The following PRKCE variants were observed in gnomAD, a reference collection of about 807,000 sequenced individuals.
PRKCE encodes protein kinase C epsilon.
In PRKCE, 16 loss-of-function variants were observed where a neutral mutation model predicts 85.4. That is an observed-to-expected ratio of 0.19 (90% CI 0.13 to 0.28). The LOEUF is 0.28. Among genes scored for constraint, PRKCE ranks in the 10% least tolerant of loss-of-function variants. The probability of loss-of-function intolerance (pLI) is 1.00; values close to 1 mark genes in which losing one functional copy is unlikely to be tolerated. For synonymous variants in PRKCE, 388 were observed against 371.5 expected (o/e 1.04, Z -0.51); for missense variants, 573 against 975.2 (o/e 0.59, Z 5.49).
At chr2:46,000,700 C>A (rs568239823) in intron 6 of PRKCE, among the ~76,000 whole-genome samples, 9 of 152,120 alleles carry the variant, frequency 5.9e-5, no homozygotes, top group Non-Finnish European at 1.0e-4. Context: ...ACGACTGGGT[C>A]CCCCTTAGAG....
chr2:46,151,280 TACACACACACACACACACACACAC>T (rs35676949), intron 13 of PRKCE, 51 bp downstream of exon 13: 4 of 559,068 alleles, frequency 7.2e-6, no homozygotes, highest in Non-Finnish European at 1.2e-5. Context: ...CTCCTCCCCC[TACACACACACACACACACACACAC>T]ACACACACAC....
chr2:46,093,065 G>A (rs1481555940), intron 11 of PRKCE, among the ~76,000 whole-genome samples: 5 of 152,118 alleles, frequency 3.3e-5, no homozygotes, highest in East Asian at 1.9e-4. Flanking sequence ...CTTGGGGATC[G>A]TTTTCCCCAG....
chr2:46,108,851 A>C (rs1055402151), intron 11 of PRKCE, among the ~76,000 whole-genome samples: 1 of 151,430 alleles, frequency 6.6e-6, no homozygotes. Flanking sequence ...TAGATCTATG[A>C]TCTATTTTGA....
At chr2:45,945,309 G>A (rs2711296) in intron 2 of PRKCE, among the ~76,000 whole-genome samples, 32,968 of 152,020 alleles carry the variant, frequency 0.22, 4,658 homozygotes, top group East Asian at 0.69. Flanking sequence ...GGAAGCTTAC[G>A]ATCATGGCAG....
chr2:45,800,716 A>T (rs986493410), intron 1 of PRKCE, among the ~76,000 whole-genome samples: 1 of 152,228 alleles, frequency 6.6e-6, no homozygotes, highest in Non-Finnish European at 1.5e-5. Flanking sequence ...AGAACAAAAT[A>T]AAACTTCCGC....
intron 1 of PRKCE, among the ~76,000 whole-genome samples, chr2:45,661,392 A>T (rs1675633831): frequency 6.6e-6 from 1 of 152,078 alleles, no homozygotes; most frequent in Non-Finnish European, 1.5e-5. Flanking sequence ...CATGTTGGCC[A>T]GGGTGGTCTT....
chr2:45,901,690 T>C (rs1167060823), intron 2 of PRKCE, among the ~76,000 whole-genome samples: 2 of 152,256 alleles, frequency 1.3e-5, no homozygotes, highest in African/African-American at 4.8e-5. Context: ...TTTCCCATTA[T>C]GTATCTTAGA....
chr2:45,976,345 A>T (rs1702452998), intron 2 of PRKCE, 84 bp from the exon 3 acceptor site: 1 of 1,461,070 alleles, frequency 6.8e-7, no homozygotes, highest in South Asian at 1.2e-5. Context: ...TCCCCCAGGG[A>T]TGGAGTAGCT....
Position 45,652,114 on chromosome 2 carries a change from A to G in PRKCE, c.14A>G (p.Asn5Ser). 1.9e-6 allele frequency: 3 copies of G among 1,577,386 alleles called. No individual in the cohort carries two copies. The highest frequency in any genetic ancestry group is 2.6e-6 in the Non-Finnish European group (3 of 1,161,492). MVVF[N>S]GLLKIKICEA... ...CCCGCCCCGACCATGGTAGTGTTCA[A>G]TGGCCTTCTTAAGATCAAAATCTGC... is the stretch of plus-strand genomic sequence containing the variant. The change falls in exon 1 of 15, where the codon AAT becomes AGT. Residue 5 changes from asparagine (N) to serine (S), a missense_variant. By Grantham distance (46) the Asn-to-Ser change is conservative (BLOSUM62 1). Coordinates refer to ENST00000306156, the MANE Select transcript of PRKCE (RefSeq NM_005400.3). This position sits in a 1 kb window ranked among gnomAD's most constrained non-coding sequence, Gnocchi z 7.7.
intron 2 of PRKCE, among the ~76,000 whole-genome samples, chr2:45,911,242 G>A (rs1190682669): frequency 6.6e-6 from 1 of 152,164 alleles, no homozygotes; most frequent in Non-Finnish European, 1.5e-5. Context: ...TTTTTAAGTT[G>A]TTTTTTCCCA....
chr2:46,164,156 C>T (rs1383805347), intron 14 of PRKCE, among the ~76,000 whole-genome samples: 1 of 152,108 alleles, frequency 6.6e-6, no homozygotes. Context: ...GGTTTAGATC[C>T]CGACATTGGG....
intron 10 of PRKCE, among the ~76,000 whole-genome samples, chr2:46,054,696 C>T (rs1460055045): frequency 6.6e-6 from 1 of 152,176 alleles, no homozygotes; most frequent in East Asian, 1.9e-4. Context: ...CCAGCAAGGG[C>T]CCTACCCTCA....
intron 1 of PRKCE, among the ~76,000 whole-genome samples, chr2:45,834,462 G>T (rs888962241): frequency 5.3e-5 from 8 of 152,124 alleles, no homozygotes; most frequent in East Asian, 1.9e-4. Context: ...AAAGAATAAG[G>T]CCTCCTTTCC....
chr2:46,102,361 G>T (rs1266099356), intron 11 of PRKCE, among the ~76,000 whole-genome samples: 2 of 152,080 alleles, frequency 1.3e-5, no homozygotes, highest in South Asian at 2.1e-4. Context: ...ATAAATTTCA[G>T]ATGTCTTTAA....
At chr2:45,799,198 A>G (rs754849431) in intron 1 of PRKCE, among the ~76,000 whole-genome samples, 11 of 151,644 alleles carry the variant, frequency 7.3e-5, no homozygotes, top group Non-Finnish European at 1.5e-4. Flanking sequence ...GAGCATTTTC[A>G]TTCATTATTG....
chr2:45,721,182 A>T (rs952296485), intron 1 of PRKCE, among the ~76,000 whole-genome samples: 2 of 152,138 alleles, frequency 1.3e-5, no homozygotes, highest in African/African-American at 4.8e-5. Flanking sequence ...TTTCACAGGA[A>T]GTCTGCCTGG....
chr2:46,097,832 A>C (rs1208002273), intron 11 of PRKCE, among the ~76,000 whole-genome samples: 2 of 152,168 alleles, frequency 1.3e-5, no homozygotes, highest in Non-Finnish European at 2.9e-5. Flanking sequence ...CTTTATCCCA[A>C]ACTGATTCCA....
At chr2:45,989,240 C>T (rs896295861) in intron 6 of PRKCE, among the ~76,000 whole-genome samples, 6 of 152,216 alleles carry the variant, frequency 3.9e-5, no homozygotes, top group Admixed American at 3.9e-4. Context: ...GTGTACTCCA[C>T]GAAGACCTGG....
intron 2 of PRKCE, among the ~76,000 whole-genome samples, chr2:45,876,142 C>T (rs534683643): frequency 6.6e-6 from 1 of 152,196 alleles, no homozygotes; most frequent in Admixed American, 6.5e-5. Context: ...TACAGTGGCT[C>T]TGGTCTCCCT....
Sources: gnomAD v4.1 joint callset for allele counts (sites outside exome capture counted in the v4.1 genomes callset) on GRCh38, gnomAD v4.1.1 for gene constraint, Gnocchi (gnomAD v3.1) non-coding constraint, MANE v1.5 for transcripts, NCBI Gene and HGNC (gene_info 2026-07-23, HGNC 2026-07-21) for gene names.